Variants in ROBO2 observed in about 807,000 individuals in gnomAD.
The protein encoded by ROBO2 is roundabout homolog 2.
Under a neutral mutation model 160.8 loss-of-function variants are expected in ROBO2, and 53 were observed. The observed-to-expected ratio is 0.33, with a 90% CI of 0.26 to 0.41. ROBO2 has a LOEUF of 0.41. Ranked by LOEUF, ROBO2 falls within the 10% of genes least tolerant of loss-of-function variation. The pLI is 1.00. For missense variants in ROBO2, 1,577 were observed against 1,722.4 expected (o/e 0.92, Z 1.49); for synonymous variants, 664 against 611.7 (o/e 1.09, Z -1.26).
At chr3:77,085,540 C>T (rs749673514) in intron 1 of ROBO2, among the ~76,000 whole-genome samples, 1 of 151,982 alleles carries the variant, frequency 6.6e-6, no homozygotes, top group Non-Finnish European at 1.5e-5. Flanking sequence ...TGTGAAAATC[C>T]ATTCATTGTC....
chr3:77,603,357 A>G (rs923032007), intron 20 of ROBO2, among the ~76,000 whole-genome samples: 4 of 152,232 alleles, frequency 2.6e-5, no homozygotes, highest in Non-Finnish European at 5.9e-5. Context: ...AAGATCATAC[A>G]TGAAAGTCAA....
intron 2 of ROBO2, among the ~76,000 whole-genome samples, chr3:76,290,545 T>G (rs1166667579): frequency 6.6e-6 from 1 of 152,154 alleles, no homozygotes; most frequent in Admixed American, 6.5e-5. Flanking sequence ...TGGCTATGAC[T>G]TCTAGGACTA....
At chr3:77,129,759 T>C (rs1169203462) in intron 2 of ROBO2, among the ~76,000 whole-genome samples, 2 of 152,098 alleles carry the variant, frequency 1.3e-5, no homozygotes, top group African/African-American at 4.8e-5. Flanking sequence ...ACTTCCCAGT[T>C]GTAATGGTTT....
chr3:77,619,884 A>G (rs968434896), intron 22 of ROBO2, among the ~76,000 whole-genome samples: 2 of 152,150 alleles, frequency 1.3e-5, no homozygotes, highest in Non-Finnish European at 2.9e-5. Context: ...AGTTTTTGTG[A>G]GAATGAAATG....
intron 2 of ROBO2, among the ~76,000 whole-genome samples, chr3:76,020,540 T>A (rs1369889869): frequency 6.6e-6 from 1 of 151,852 alleles, no homozygotes; most frequent in East Asian, 1.9e-4. Flanking sequence ...TTTGTTTACT[T>A]AAGGTCTACA....
At chr3:76,585,209 AAC>A (rs1369007110) in intron 2 of ROBO2, among the ~76,000 whole-genome samples, 2 of 152,204 alleles carry the variant, frequency 1.3e-5, no homozygotes, top group Non-Finnish European at 2.9e-5. Context: ...AAAATCATAA[AAC>A]TGGAAATTAA....
intron 2 of ROBO2, among the ~76,000 whole-genome samples, chr3:76,139,202 T>C (rs1382638579): frequency 6.6e-6 from 1 of 152,140 alleles, no homozygotes; most frequent in Non-Finnish European, 1.5e-5. Flanking sequence ...GATATCATCA[T>C]TTAGTATGAC....
chr3:76,699,847 T>C (rs879577968), intron 2 of ROBO2, among the ~76,000 whole-genome samples: 1 of 152,152 alleles, frequency 6.6e-6, no homozygotes, highest in Admixed American at 6.6e-5. Flanking sequence ...TATCTAACTC[T>C]ATGCTTGAAG....
At chr3:76,690,105 T>C (rs530632583) in intron 2 of ROBO2, among the ~76,000 whole-genome samples, 2 of 152,176 alleles carry the variant, frequency 1.3e-5, no homozygotes, top group South Asian at 2.1e-4. Flanking sequence ...GAATCAAAAA[T>C]GTCTGGCAGC....
intron 2 of ROBO2, among the ~76,000 whole-genome samples, chr3:76,484,863 A>G (rs1226760110): frequency 6.6e-6 from 1 of 152,154 alleles, no homozygotes; most frequent in South Asian, 2.1e-4. Flanking sequence ...AGTTACTAAT[A>G]TTGATTATAA....
chr3:76,631,410 CTAGTG>C (rs2090021760), intron 2 of ROBO2, among the ~76,000 whole-genome samples: 2 of 151,704 alleles, frequency 1.3e-5, no homozygotes, highest in South Asian at 4.2e-4. Context: ...TTCCCATTCT[CTAGTG>C]TACGGGTAGA....
chr3:76,542,675 T>C lies in ROBO2; in HGVS notation c.110-555339T>C, dbSNP rs1409195205. Among the ~76,000 whole-genome samples, 4 of 152,200 alleles carry C rather than the reference T, an allele frequency of 2.6e-5. No homozygotes were observed. The East Asian group carries it at 7.7e-4, about 29-fold the overall frequency. ...TTTTCTGTCCCTTCAGGATGCTTCC[T>C]CTCTCTCTCCTTTCCTTTCATTCCG... On this transcript the variant is annotated intron_variant, in intron 2 of 26. Transcript: ENST00000487694.
At chr3:77,336,859 C>G (rs2153447978) in intron 2 of ROBO2, among the ~76,000 whole-genome samples, 1 of 152,262 alleles carries the variant, frequency 6.6e-6, no homozygotes, top group Admixed American at 6.5e-5. Flanking sequence ...TTGGTGATGC[C>G]TTTCCCAAGG....
intron 2 of ROBO2, among the ~76,000 whole-genome samples, chr3:76,020,286 C>T (rs917135439): frequency 6.6e-6 from 1 of 151,620 alleles, no homozygotes; most frequent in South Asian, 2.1e-4. Context: ...TGTGATTCCT[C>T]GATAGTATAA....
At chr3:76,852,430 C>T (rs1333214661) in intron 2 of ROBO2, among the ~76,000 whole-genome samples, 2 of 152,286 alleles carry the variant, frequency 1.3e-5, no homozygotes, top group Admixed American at 1.3e-4. Flanking sequence ...CTACTTTCAT[C>T]TACCAAGGAT....
chr3:77,168,016 GAACTT>G (rs1427718276), intron 2 of ROBO2, among the ~76,000 whole-genome samples: 2 of 152,174 alleles, frequency 1.3e-5, no homozygotes, highest in African/African-American at 4.8e-5. Context: ...AAAAAATAAT[GAACTT>G]AATGCATACC....
chr3:77,114,562 C>A (rs1332507841), intron 2 of ROBO2, among the ~76,000 whole-genome samples: 1 of 152,112 alleles, frequency 6.6e-6, no homozygotes, highest in African/African-American at 2.4e-5. Flanking sequence ...TCTACACAGT[C>A]CTCGTTCACC....
At chr3:76,921,761 A>G (rs1420532112) in intron 2 of ROBO2, among the ~76,000 whole-genome samples, 1 of 152,192 alleles carries the variant, frequency 6.6e-6, no homozygotes, top group Non-Finnish European at 1.5e-5. Flanking sequence ...AAAGTAGACC[A>G]CAAATGAATC....
chr3:76,397,984 C>T (rs1364098147), intron 2 of ROBO2, among the ~76,000 whole-genome samples: 2 of 152,002 alleles, frequency 1.3e-5, no homozygotes, highest in Admixed American at 6.6e-5. Flanking sequence ...GGTATATACC[C>T]AAAGGATTAT....
Sources: gnomAD v4.1 joint callset for allele counts (sites outside exome capture counted in the v4.1 genomes callset) on GRCh38, gnomAD v4.1.1 for gene constraint, MANE v1.5 for transcripts, NCBI Gene and HGNC (gene_info 2026-07-23, HGNC 2026-07-21) for gene names.